The following SNW1 variants were observed in gnomAD, a reference collection of about 807,000 sequenced individuals.
SNW1 encodes SNW domain containing 1, also known as SNW domain-containing protein 1.
SNW1 carries 9 observed loss-of-function variants against 75.6 expected under a neutral mutation model. The observed-to-expected ratio is 0.12, with a 90% CI of 0.07 to 0.21. The LOEUF is 0.21. Among genes scored for constraint, SNW1 ranks in the 10% least tolerant of loss-of-function variants. The pLI is 1.00. For missense variants in SNW1, 409 were observed against 670.9 expected (o/e 0.61, Z 4.31); for synonymous variants, 200 against 219.1 (o/e 0.91, Z 0.77).
intron 10 of SNW1, among the ~76,000 whole-genome samples, chr14:77,730,692 T>C (rs905739547): frequency 9.9e-5 from 15 of 152,184 alleles, no homozygotes; most frequent in African/African-American, 3.6e-4. Flanking sequence ...AGTTTTGAGA[T>C]TAAGATAAGA....
At chr14:77,758,918 G>C (rs2080863515) in intron 1 of SNW1, among the ~76,000 whole-genome samples, 1 of 152,198 alleles carries the variant, frequency 6.6e-6, no homozygotes, top group Non-Finnish European at 1.5e-5. Flanking sequence ...TGGAGATACT[G>C]TCAGATGTTA....
At chr14:77,718,603 C>A in intron 12 of SNW1, 73 bp from the exon 13 acceptor site, 1 of 1,011,246 alleles carries the variant, frequency 9.9e-7, no homozygotes, top group Non-Finnish European at 1.5e-6. Context: ...AACATGTTTA[C>A]AGTAAACCCT....
intron 10 of SNW1, 85 bp from the exon 11 acceptor site, chr14:77,723,362 TAA>T: frequency 9.6e-7 from 1 of 1,045,178 alleles, no homozygotes; most frequent in Non-Finnish European, 1.5e-6. Flanking sequence ...TATAATTTTT[TAA>T]AAAGAGACAG....
intron 1 of SNW1, among the ~76,000 whole-genome samples, chr14:77,759,793 C>A (rs1010617952): frequency 1.3e-5 from 2 of 151,610 alleles, no homozygotes; most frequent in Admixed American, 1.3e-4. Flanking sequence ...CTGGCCAACG[C>A]AGTAACACCC....
In SNW1 at chr14:77,724,568, C is replaced by T. The variant is rs144658775; in HGVS notation, c.1034-1291G>A. On this transcript the variant is annotated intron_variant, in intron 10 of 13. Coordinates refer to ENST00000261531, the MANE Select transcript of SNW1 (RefSeq NM_012245.3). ...CATTCTACTCTCTGCTTCCTTGAGA[C>T]CAACTTTTTTAGCTCCCACATACAA... Among the ~76,000 whole-genome samples the T allele has an allele frequency of 5.9e-5, 9 of 152,320 alleles. No homozygotes were observed. The East Asian group carries it at 1.7e-3, about 29-fold the overall frequency.
chr14:77,750,290 A>G (rs2080797308), intron 3 of SNW1, among the ~76,000 whole-genome samples: 1 of 152,242 alleles, frequency 6.6e-6, no homozygotes. Flanking sequence ...AGTCGAGGAA[A>G]AAGGACAAGT....
At chr14:77,719,819 CAAG>C (rs1005931953) in intron 12 of SNW1, among the ~76,000 whole-genome samples, 2 of 149,798 alleles carry the variant, frequency 1.3e-5, no homozygotes, top group Non-Finnish European at 3.0e-5. Context: ...AGAACAATGC[CAAG>C]AATATAAAAT....
At position 77,760,631 on chromosome 14, in the gene SNW1, A is replaced by C. The variant is rs183552533; in HGVS notation, c.14+483T>G. ...CTGTGGCTCATTTAAATCTGTGTTC[A>C]GCTCCGGGCCTCTTTTTTCAGGAAT... On this transcript the variant is annotated intron_variant, in intron 1 of 13. Coordinates refer to ENST00000261531, the MANE Select transcript of SNW1 (RefSeq NM_012245.3). The C allele has an allele frequency of 5.8e-3, 4,043 of 702,354 alleles. 142 individuals are homozygous for C. The Admixed American group carries it at 0.066, about 11-fold the overall frequency. The allele number at this position is 702,354 out of a possible 1,614,324, so 43.5% of individuals were successfully genotyped here.
At position 77,718,037 on chromosome 14, in the gene SNW1, G is replaced by C; in HGVS notation, c.*51C>G. On this transcript the variant is annotated 3_prime_UTR_variant, in exon 14 of 14. Coordinates refer to ENST00000261531, the MANE Select transcript of SNW1 (RefSeq NM_012245.3). The stretch of plus-strand genomic sequence containing the variant: ...TACAAAGTGTTCCCCCATATGACTT[G>C]CATCATTAGGGTTATGGGTAAGAGT... The C allele has an allele frequency of 6.9e-7, 1 of 1,454,928 alleles. No individual in the cohort carries two copies. Among genetic ancestry groups the C allele is most frequent in the Non-Finnish European group, 9.2e-7 (1 of 1,082,784 alleles). The allele number at this position is 1,454,928 out of a possible 1,614,324, so 90.1% of individuals were successfully genotyped here. A position where few individuals can be genotyped will look rare whatever the true frequency, so the allele number is the denominator to read the frequency against.
chr14:77,736,877 T>G (rs2080677001), intron 6 of SNW1, 94 bp downstream of exon 6: 1 of 857,134 alleles, frequency 1.2e-6, no homozygotes, highest in East Asian at 2.5e-5. Context: ...ATACTGTATG[T>G]ACTTGTTTTT....
chr14:77,747,793 T>A (rs916372207), intron 3 of SNW1, among the ~76,000 whole-genome samples: 4 of 143,758 alleles, frequency 2.8e-5, no homozygotes, highest in African/African-American at 1.0e-4. Flanking sequence ...GTCCGGGAGG[T>A]GGGGGGCGCC....
chr14:77,755,896 G>A (rs143606175), intron 1 of SNW1, among the ~76,000 whole-genome samples: 4 of 149,942 alleles, frequency 2.7e-5, no homozygotes, highest in African/African-American at 9.8e-5. Flanking sequence ...GCAGCACCAC[G>A]CCCACCTAAT....
intron 3 of SNW1, among the ~76,000 whole-genome samples, chr14:77,748,713 G>A (rs1413929415): frequency 7.2e-5 from 11 of 151,762 alleles, no homozygotes; most frequent in Admixed American, 5.3e-4. Flanking sequence ...TCAGCCTCCC[G>A]AGTAGCTGGG....
At position 77,718,639 on chromosome 14, in the gene SNW1, A is replaced by G. The variant is rs78160626; in HGVS notation, c.1249-109T>C. On this transcript the variant is annotated intron_variant, in intron 12 of 13. Transcript: ENST00000261531. ...TGCTAATGTACAGCTCACATTTTCA[A>G]CAATCTGAACTGCAAATTAAAAAGT... The G allele has an allele frequency of 1.3e-4, 87 of 645,854 alleles. 1 individual carries two copies. In the East Asian group the frequency reaches 2.3e-3, roughly 17 times the overall value. 40.0% of individuals were successfully genotyped at this position (645,854 alleles called of 1,614,324 possible).
intron 3 of SNW1, among the ~76,000 whole-genome samples, chr14:77,741,723 A>G (rs1159393295): frequency 3.3e-5 from 5 of 151,894 alleles, no homozygotes; most frequent in Non-Finnish European, 4.4e-5. Flanking sequence ...CCTAAGCTGA[A>G]AATTATATAA....
chr14:77,757,436 T>C (rs909954724), intron 1 of SNW1, among the ~76,000 whole-genome samples: 1 of 152,204 alleles, frequency 6.6e-6, no homozygotes, highest in Admixed American at 6.5e-5. Context: ...TCTGTAATAA[T>C]AGTTCATAAG....
At chr14:77,749,610 CA>C (rs1352030255) in intron 3 of SNW1, among the ~76,000 whole-genome samples, 2 of 151,870 alleles carry the variant, frequency 1.3e-5, no homozygotes, top group African/African-American at 4.8e-5. Flanking sequence ...ACTAAAAATA[CA>C]AAAAAATTCA....
At chr14:77,747,427 G>C (rs1026819263) in intron 3 of SNW1, among the ~76,000 whole-genome samples, 1 of 151,836 alleles carries the variant, frequency 6.6e-6, no homozygotes, top group African/African-American at 2.4e-5. Context: ...AGTCTGGGAA[G>C]TGAGGAGCAC....
chr14:77,741,446 C>CT (rs1165475267), intron 3 of SNW1, among the ~76,000 whole-genome samples: 1 of 152,160 alleles, frequency 6.6e-6, no homozygotes, highest in East Asian at 1.9e-4. Context: ...AAAAAACTAT[C>CT]TCATGGCTAT....
Sources: allele counts gnomAD v4.1 joint callset (sites outside exome capture counted in the v4.1 genomes callset), GRCh38; gene constraint gnomAD v4.1.1; transcripts MANE v1.5; gene names NCBI Gene and HGNC (gene_info 2026-07-23, HGNC 2026-07-21).